Variants in CLIP1 observed in about 807,000 individuals in gnomAD.
CLIP1 encodes CAP-Gly domain containing linker protein 1.
A neutral mutation model predicts 161.6 loss-of-function variants in CLIP1; 66 were observed. The observed-to-expected ratio is 0.41, with a 90% CI of 0.33 to 0.50. The LOEUF is 0.50. Among genes scored for constraint, CLIP1 ranks in the 20% least tolerant of loss-of-function variants. The pLI is 0.27. For missense variants in CLIP1, 1,376 were observed against 1,702.0 expected (o/e 0.81, Z 3.37); for synonymous variants, 598 against 626.2 (o/e 0.96, Z 0.67).
At chr12:122,410,855 C>G (rs1323202093) in intron 1 of CLIP1, among the ~76,000 whole-genome samples, 3 of 152,102 alleles carry the variant, frequency 2.0e-5, no homozygotes, top group Admixed American at 2.0e-4. Context: ...AAAGGATGTT[C>G]AATATTACTA....
intron 5 of CLIP1, among the ~76,000 whole-genome samples, chr12:122,358,437 A>T (rs1953607283): frequency 2.1e-5 from 2 of 94,902 alleles, no homozygotes; most frequent in South Asian, 3.8e-4. Context: ...ATGAACAATT[A>T]AAAAAAAAAA....
At chr12:122,274,318 A>C (rs112896913) in intron 24 of CLIP1, 156 bp from the exon 25 acceptor site, 1 of 583,308 alleles carries the variant, frequency 1.7e-6, no homozygotes, top group African/African-American at 1.9e-5. Context: ...ACTCTCCCGG[A>C]GGACAGGCAT....
At position 122,336,295 on chromosome 12, in the gene CLIP1, C is replaced by T. The variant is rs1269047161; in HGVS notation, c.2568+337G>A. On this transcript the variant is annotated intron_variant, in intron 12 of 25. Coordinates refer to ENST00000620786, the MANE Select transcript of CLIP1 (RefSeq NM_001247997.2). ...GGCCTCATTCAATATGAAGGGGCCT[C>T]ATTCAATATGAAACCTAACTGTGTT... is the stretch of plus-strand genomic sequence containing the variant. Among the ~76,000 whole-genome samples, 3 of 151,794 alleles carry T rather than the reference C, an allele frequency of 2.0e-5. No homozygotes were observed. In the East Asian group the frequency reaches 5.8e-4, roughly 29 times the overall value.
At chr12:122,280,047 A>G (rs1281811390) in intron 21 of CLIP1, 1 of 152,210 alleles carries the variant, frequency 6.6e-6, no homozygotes, top group East Asian at 1.9e-4. Flanking sequence ...ATGTGTTTAC[A>G]TATGTGTACC....
intron 9 of CLIP1, among the ~76,000 whole-genome samples, chr12:122,347,752 G>A (rs887762404): frequency 2.6e-5 from 4 of 152,092 alleles, no homozygotes; most frequent in African/African-American, 9.7e-5. Flanking sequence ...AGTGTCAGAG[G>A]CATGCAGCCA....
In CLIP1 at chr12:122,412,881, A is replaced by G. The variant is rs140850785; in HGVS notation, c.-107+9640T>C. Among the ~76,000 whole-genome samples, 1,364 of 152,298 alleles carry G rather than the reference A, an allele frequency of 9.0e-3. 21 individuals are homozygous for G. The highest frequency in any genetic ancestry group is 0.031 in the African/African-American group (1,300 of 41,562). On this transcript the variant is annotated intron_variant, in intron 1 of 25. Transcript: ENST00000620786. ...AAAAAAATAAACCTGAGACCCTAAAAAAAACTTCACTGGAAAACATTTTCT... is the reference window on the plus strand; with the variant it reads ...AAAAAAATAAACCTGAGACCCTAAAGAAAACTTCACTGGAAAACATTTTCT...
At chr12:122,327,876 A>G in intron 17 of CLIP1, 71 bp downstream of exon 17, 1 of 1,448,898 alleles carries the variant, frequency 6.9e-7, no homozygotes, top group Non-Finnish European at 9.6e-7. Context: ...GCTGCTTTCT[A>G]AGCACCCTTC....
Position 122,355,657 on chromosome 12 carries a change from T to G in CLIP1, c.1006-345A>C. On this transcript the variant is annotated intron_variant, in intron 5 of 25. Transcript: ENST00000620786. This position sits in a 1 kb window ranked among gnomAD's most constrained non-coding sequence, Gnocchi z 4.1. ...CCATCTCTACTAAAAATACAAAAAT[T>G]AGCTGGAGTGCAGTGGTGCGATCTC... 2 of 219,206 alleles carry G rather than the reference T, an allele frequency of 9.1e-6. No homozygotes were observed. Among genetic ancestry groups the G allele is most frequent in the African/African-American group, 2.3e-5 (1 of 42,884 alleles). The allele number at this position is 219,206 out of a possible 1,614,324, so 13.6% of individuals were successfully genotyped here.
chr12:122,407,956 T>C (rs1956391652), intron 1 of CLIP1, among the ~76,000 whole-genome samples: 1 of 151,804 alleles, frequency 6.6e-6, no homozygotes, highest in Non-Finnish European at 1.5e-5. Flanking sequence ...TTGGGTTTTT[T>C]TCTTTTCATA....
At chr12:122,299,772 C>T (rs991534393) in intron 20 of CLIP1, among the ~76,000 whole-genome samples, 1 of 151,660 alleles carries the variant, frequency 6.6e-6, no homozygotes. Context: ...AAAAATTAGC[C>T]GGGCGTGGTG....
intron 1 of CLIP1, among the ~76,000 whole-genome samples, chr12:122,404,631 T>C (rs905416827): frequency 2.0e-5 from 3 of 149,024 alleles, no homozygotes; most frequent in Admixed American, 6.7e-5. Context: ...GTACAGTGGC[T>C]CACGCCTGTA....
chr12:122,276,492 C>CTT, intron 24 of CLIP1: 1 of 1,288,604 alleles, frequency 7.8e-7, no homozygotes, highest in Non-Finnish European at 1.0e-6. Flanking sequence ...CAAACCGAAG[C>CTT]AGAAAGGAAG....
At chr12:122,362,521 A>G (rs557501493) in intron 4 of CLIP1, among the ~76,000 whole-genome samples, 208 of 150,850 alleles carry the variant, frequency 1.4e-3, no homozygotes, top group African/African-American at 4.8e-3. Context: ...TGTGTCTGTA[A>G]TCCCAGCTAC....
At chr12:122,393,165 TG>T (rs1566219009) in intron 1 of CLIP1, among the ~76,000 whole-genome samples, 1 of 139,182 alleles carries the variant, frequency 7.2e-6, no homozygotes, top group East Asian at 2.0e-4. Context: ...TTGGCAATCT[TG>T]TTTTTTTTTT....
intron 24 of CLIP1, chr12:122,275,842 A>C (rs937885551): frequency 3.3e-5 from 5 of 152,208 alleles, no homozygotes. Context: ...AAAATGGAGA[A>C]GGCTAAAGCT....
intron 19 of CLIP1, among the ~76,000 whole-genome samples, chr12:122,315,225 T>C (rs1207043361): frequency 2.6e-5 from 4 of 152,208 alleles, no homozygotes; most frequent in Non-Finnish European, 1.5e-5. Flanking sequence ...ATCTCATCTA[T>C]GTATTAGGAT....
At chr12:122,288,038 CTTTTTTTTTT>C in intron 21 of CLIP1, among the ~76,000 whole-genome samples, 1 of 144,744 alleles carries the variant, frequency 6.9e-6, no homozygotes, top group East Asian at 2.0e-4. Context: ...TTCTCTTTTT[CTTTTTTTTTT>C]TTGAGACGGA....
chr12:122,285,230 T>A (rs1955801657), intron 21 of CLIP1, among the ~76,000 whole-genome samples: 2 of 45,772 alleles, frequency 4.4e-5, no homozygotes, highest in African/African-American at 9.4e-4. Context: ...TACCAGTCCT[T>A]TTTTTTTTTT....
At chr12:122,314,642 G>A (rs1179689531) in intron 19 of CLIP1, among the ~76,000 whole-genome samples, 1 of 152,166 alleles carries the variant, frequency 6.6e-6, no homozygotes, top group African/African-American at 2.4e-5. Context: ...AGGTTGGAGA[G>A]GGAGTCTCTC....
Sources: gnomAD v4.1 joint callset for allele counts (sites outside exome capture counted in the v4.1 genomes callset) on GRCh38, gnomAD v4.1.1 for gene constraint, Gnocchi (gnomAD v3.1) non-coding constraint, MANE v1.5 for transcripts, NCBI Gene and HGNC (gene_info 2026-07-23, HGNC 2026-07-21) for gene names.